The following RARB variants were observed in gnomAD, a reference collection of about 807,000 sequenced individuals.
RARB encodes the protein retinoic acid receptor beta, also known as HBV-activated protein.
Under a neutral mutation model 51.9 loss-of-function variants are expected in RARB, and 17 were observed. The observed-to-expected ratio is 0.33, with a 90% confidence interval of 0.22 to 0.49. The LOEUF (loss-of-function observed/expected upper bound fraction) is 0.49. Ranked by LOEUF, RARB falls within the 20% of genes least tolerant of loss-of-function variation. The probability of loss-of-function intolerance (pLI) is 0.99; values close to 1 mark genes in which losing one functional copy is unlikely to be tolerated. For synonymous variants in RARB, 215 were observed against 195.4 expected (o/e 1.10, Z -0.84); for missense variants, 369 against 550.8 (o/e 0.67, Z 3.30).
intron 5 of RARB, among the ~76,000 whole-genome samples, chr3:25,411,319 T>C (rs917742549): frequency 6.6e-6 from 1 of 152,184 alleles, no homozygotes; most frequent in African/African-American, 2.4e-5. Context: ...TTTTGGTGAA[T>C]CAGTGATTTT....
intron 5 of RARB, among the ~76,000 whole-genome samples, chr3:25,321,285 C>G (rs1190386171): frequency 2.6e-5 from 4 of 152,146 alleles, no homozygotes; most frequent in Non-Finnish European, 2.9e-5. Flanking sequence ...TGATCATTTA[C>G]CTGGATGGAG....
At position 24,920,247 on chromosome 3, in the gene RARB, C is replaced by T. The variant is rs532740593; in HGVS notation, c.-380+61495C>T. 5.3e-5 allele frequency among the ~76,000 whole-genome samples: 8 copies of T among 152,222 alleles called. No homozygotes were observed. The South Asian group carries it at 1.7e-3, about 32-fold the overall frequency. ...CCTTAAAAATAGTCCACCTCTATCC[C>T]CAATTAGGGCCAATTTCCAATGGAA... On this transcript the variant is annotated intron_variant, in intron 2 of 11. Transcript: ENST00000383772.
intron 3 of RARB, among the ~76,000 whole-genome samples, chr3:25,509,357 G>C (rs114780126): frequency 0.014 from 2,203 of 152,320 alleles, 57 homozygotes; most frequent in African/African-American, 0.051. Flanking sequence ...GTCTGCTACT[G>C]CTTCTTTTGG....
chr3:24,864,252 TC>T (rs1047058732), intron 2 of RARB, among the ~76,000 whole-genome samples: 1 of 152,178 alleles, frequency 6.6e-6, no homozygotes, highest in Non-Finnish European at 1.5e-5. Context: ...GGTTCTGTCC[TC>T]CTCTGATGTC....
chr3:25,411,577 T>C (rs1032657374), intron 5 of RARB, among the ~76,000 whole-genome samples: 9 of 152,212 alleles, frequency 5.9e-5, no homozygotes, highest in African/African-American at 2.2e-4. Context: ...CTGACATCTC[T>C]GGCCTCACGC....
chr3:25,467,304 A>G (rs79494060), intron 2 of RARB, among the ~76,000 whole-genome samples: 3,477 of 152,346 alleles, frequency 0.023, 55 homozygotes, highest in Middle Eastern at 0.065. Flanking sequence ...GACATTTATT[A>G]TTCATTATAA....
chr3:24,989,157 G>A (rs887815555), intron 2 of RARB, among the ~76,000 whole-genome samples: 1 of 152,118 alleles, frequency 6.6e-6, no homozygotes, highest in African/African-American at 2.4e-5. Context: ...TAATTCTGCA[G>A]TGCTTTTCCT....
At chr3:25,356,181 A>G (rs1300106674) in intron 5 of RARB, among the ~76,000 whole-genome samples, 1 of 152,116 alleles carries the variant, frequency 6.6e-6, no homozygotes, top group Non-Finnish European at 1.5e-5. Context: ...AATTTTTCAA[A>G]GAGAAGTATT....
intron 5 of RARB, among the ~76,000 whole-genome samples, chr3:25,195,883 C>A (rs1028519756): frequency 6.6e-5 from 10 of 151,954 alleles, no homozygotes; most frequent in African/African-American, 2.4e-4. Flanking sequence ...TATATGTAAT[C>A]TGTTAATTTC....
chr3:25,440,451 A>AT (rs1195034086), intron 1 of RARB, among the ~76,000 whole-genome samples: 1 of 150,168 alleles, frequency 6.7e-6, no homozygotes, highest in East Asian at 1.9e-4. Context: ...TGTCTAAAAA[A>AT]TAAAAAAAAA....
At chr3:25,180,354 CCTTATAAAAATTGAA>C (rs2059700638) in intron 5 of RARB, among the ~76,000 whole-genome samples, 2 of 152,244 alleles carry the variant, frequency 1.3e-5, no homozygotes, top group South Asian at 4.1e-4. Context: ...AGCATTTTGA[CCTTATAAAAATTGAA>C]CTTTGGAAAA....
chr3:25,041,733 C>T (rs984166757), intron 2 of RARB, among the ~76,000 whole-genome samples: 1 of 151,404 alleles, frequency 6.6e-6, no homozygotes, highest in African/African-American at 2.4e-5. Context: ...TCCCCTAATG[C>T]CAACTAGTAT....
At chr3:25,242,630 T>A (rs1702460700) in intron 5 of RARB, among the ~76,000 whole-genome samples, 1 of 152,184 alleles carries the variant, frequency 6.6e-6, no homozygotes, top group South Asian at 2.1e-4. Context: ...ATGTGTGGCG[T>A]TATTTCTGAG....
At chr3:24,844,555 T>C (rs770563305) in intron 1 of RARB, among the ~76,000 whole-genome samples, 1 of 152,188 alleles carries the variant, frequency 6.6e-6, no homozygotes, top group Admixed American at 6.5e-5. Context: ...CAGAGAAAGA[T>C]GAAATTGCTG....
At chr3:25,318,255 T>G (rs1575308107) in intron 5 of RARB, among the ~76,000 whole-genome samples, 2 of 152,176 alleles carry the variant, frequency 1.3e-5, no homozygotes, top group African/African-American at 4.8e-5. Flanking sequence ...CTAGTGCAGT[T>G]TTAGGTTAAG....
intron 5 of RARB, among the ~76,000 whole-genome samples, chr3:25,207,441 G>C (rs1355747304): frequency 6.6e-6 from 1 of 152,084 alleles, no homozygotes; most frequent in Admixed American, 6.5e-5. Flanking sequence ...GTTTTAATGT[G>C]CTGCTTATAT....
intron 3 of RARB, among the ~76,000 whole-genome samples, chr3:25,513,679 C>T (rs1698020216): frequency 6.6e-6 from 1 of 152,000 alleles, no homozygotes; most frequent in Non-Finnish European, 1.5e-5. Context: ...CACACACACA[C>T]ACACACATTT....
chr3:24,975,750 T>C (rs1040852483), intron 2 of RARB, among the ~76,000 whole-genome samples: 1 of 149,140 alleles, frequency 6.7e-6, no homozygotes, highest in African/African-American at 2.4e-5. Context: ...TTTTCTTCTT[T>C]TTTGGGGAGT....
At chr3:24,911,928 A>G (rs1694996680) in intron 2 of RARB, among the ~76,000 whole-genome samples, 1 of 152,224 alleles carries the variant, frequency 6.6e-6, no homozygotes, top group Non-Finnish European at 1.5e-5. Flanking sequence ...GCCCATGTAA[A>G]AAGAATGAAT....
Sources: gnomAD v4.1 joint callset for allele counts (sites outside exome capture counted in the v4.1 genomes callset) on GRCh38, gnomAD v4.1.1 for gene constraint, MANE v1.5 for transcripts, NCBI Gene and HGNC (gene_info 2026-07-23, HGNC 2026-07-21) for gene names.